The following CAMK2D variants were observed in gnomAD, a reference collection of about 807,000 sequenced individuals.
CAMK2D encodes the protein calcium/calmodulin dependent protein kinase II delta, also known as calcium/calmodulin-dependent protein kinase type II subunit delta.
A neutral mutation model predicts 84.0 loss-of-function variants in CAMK2D; 37 were observed. The ratio of observed to expected loss-of-function variants is 0.44; its 90% CI spans 0.34 to 0.58. CAMK2D has a LOEUF of 0.58. Among genes scored for constraint, CAMK2D ranks in the 20% least tolerant of loss-of-function variants. The pLI is 0.02. For synonymous variants in CAMK2D, 202 were observed against 212.5 expected, an observed-to-expected ratio of 0.95 and a Z score of 0.43; for missense variants, 448 against 652.5, an observed-to-expected ratio of 0.69 and a Z score of 3.41.
At chr4:113,722,290 T>C (rs998680828) in intron 2 of CAMK2D, among the ~76,000 whole-genome samples, 2 of 152,188 alleles carry the variant, frequency 1.3e-5, no homozygotes, top group Admixed American at 1.3e-4. Context: ...GTTTGGAAAT[T>C]AAATTGCTTA....
Position 113,580,188 on chromosome 4 carries a change from A to G in CAMK2D, c.276-28092T>C, listed in dbSNP as rs140192145. Among the ~76,000 whole-genome samples the G allele has an allele frequency of 1.5e-3, 227 of 152,358 alleles. 1 individual carries two copies. Among genetic ancestry groups the G allele is most frequent in the African/African-American group, 5.2e-3 (217 of 41,592 alleles). The stretch of plus-strand genomic sequence containing the variant: ...CAAACTCTGACATACTTAACCAATT[A>G]AAAAGGCAAGAGAAAATGACATGTT... On this transcript the variant is annotated intron_variant, in intron 4 of 20. Transcript: ENST00000511664.
intron 2 of CAMK2D, among the ~76,000 whole-genome samples, chr4:113,677,922 A>G (rs2099325544): frequency 6.6e-6 from 1 of 152,140 alleles, no homozygotes; most frequent in African/African-American, 2.4e-5. Flanking sequence ...TAGCATCTTG[A>G]TAAAGCTTCA....
chr4:113,497,836 C>A (rs554755497), intron 16 of CAMK2D, among the ~76,000 whole-genome samples: 1 of 152,344 alleles, frequency 6.6e-6, no homozygotes, highest in Non-Finnish European at 1.5e-5. Flanking sequence ...ATAGCTGGGA[C>A]AGCCAGCAGC....
intron 2 of CAMK2D, among the ~76,000 whole-genome samples, chr4:113,712,224 G>T (rs2099495511): frequency 6.6e-6 from 1 of 152,104 alleles, no homozygotes; most frequent in African/African-American, 2.4e-5. Context: ...AAGCAAACTT[G>T]AGAAAAGCCC....
At chr4:113,551,105 T>A (rs1476937451) in intron 5 of CAMK2D, among the ~76,000 whole-genome samples, 1 of 152,094 alleles carries the variant, frequency 6.6e-6, no homozygotes, top group African/African-American at 2.4e-5. Context: ...TCATTTACAT[T>A]GCTAATAATG....
At chr4:113,503,439 T>C (rs2098084228) in intron 14 of CAMK2D, 1 of 344,806 alleles carries the variant, frequency 2.9e-6, no homozygotes, top group African/African-American at 2.1e-5. Context: ...GTGTCATTAA[T>C]TAATACGTAA....
chr4:113,581,529 A>AAAAAAAG lies in CAMK2D; in HGVS notation c.275+27622_275+27623insCTTTTTT, dbSNP rs373642282. Reference sequence around the variant, plus strand: ...ACTTTCTCATAAAAAAAAAAAAAAAAAAAAGAAAAGAAAAGAAAAGAAAAA... The same window carrying AAAAAAAG: ...ACTTTCTCATAAAAAAAAAAAAAAAAAAAAAAGAAAAGAAAAGAAAAGAAAAGAAAAA... On this transcript the variant is annotated intron_variant, in intron 4 of 20. Coordinates refer to ENST00000511664, the MANE Select transcript of CAMK2D (RefSeq NM_001321571.2). Among the ~76,000 whole-genome samples, 426 of 121,810 alleles carry AAAAAAAG rather than the reference A, an allele frequency of 3.5e-3. 4 individuals carry two copies. Among genetic ancestry groups the AAAAAAAG allele is most frequent in the African/African-American group, 0.013 (401 of 30,758 alleles). 79.9% of individuals were successfully genotyped at this position (121,810 alleles called of 152,430 possible). A position where few individuals can be genotyped will look rare whatever the true frequency, so the allele number is the denominator to read the frequency against.
chr4:113,712,782 A>G (rs1461143597), intron 2 of CAMK2D, among the ~76,000 whole-genome samples: 1 of 152,082 alleles, frequency 6.6e-6, no homozygotes, highest in East Asian at 1.9e-4. Flanking sequence ...CAAAAAGAAA[A>G]AAAAGGGAAA....
At chr4:113,656,914 C>T (rs779403021) in intron 3 of CAMK2D, among the ~76,000 whole-genome samples, 5 of 152,166 alleles carry the variant, frequency 3.3e-5, no homozygotes, top group African/African-American at 4.8e-5. Flanking sequence ...CCTTCCTAAG[C>T]CAGCCTAAAT....
At chr4:113,705,105 G>A (rs570472214) in intron 2 of CAMK2D, among the ~76,000 whole-genome samples, 58 of 150,924 alleles carry the variant, frequency 3.8e-4, no homozygotes, top group African/African-American at 1.3e-3. Context: ...ACTTTGGGAG[G>A]CCAGGATCGA....
Position 113,609,167 on chromosome 4 carries a change from T to C in CAMK2D, c.260A>G (p.Tyr87Cys), listed in dbSNP as rs2098989313. 1 of 1,579,644 alleles carries C rather than the reference T, an allele frequency of 6.3e-7. No individual in the cohort carries two copies. Among genetic ancestry groups the C allele is most frequent in the Non-Finnish European group, 8.7e-7 (1 of 1,148,820 alleles). Residue 87 changes from tyrosine to cysteine, a missense_variant, in exon 4 of 21, where the codon TAC becomes TGC. By Grantham distance (194) the Tyr-to-Cys change is radical. Coordinates refer to ENST00000511664, the MANE Select transcript of CAMK2D (RefSeq NM_001321571.2). ...ATATACTTACAAATCAAACACCAAG[T>C]AGTGAAAGCCCTCTTCTGATATGCT... Reference protein sequence around the residue: ...HDSISEEGFHYLVFDLVTGGE... With the variant: ...HDSISEEGFHCLVFDLVTGGE...
chr4:113,469,027 T>C (rs1434198830), intron 16 of CAMK2D, among the ~76,000 whole-genome samples: 1 of 152,206 alleles, frequency 6.6e-6, no homozygotes, highest in Admixed American at 6.5e-5. Flanking sequence ...AGGTTCTGAG[T>C]GGAATTACTT....
intron 6 of CAMK2D, among the ~76,000 whole-genome samples, chr4:113,539,528 C>T (rs981007046): frequency 1.3e-5 from 2 of 152,228 alleles, no homozygotes; most frequent in South Asian, 2.1e-4. Flanking sequence ...TGCATTGTGC[C>T]TCAAGCACCA....
rs149381827 is a variant in CAMK2D at position 113,463,186 on chromosome 4, G to A, written c.1211+2343C>T. Among the ~76,000 whole-genome samples, 62 of 152,100 alleles carry A rather than the reference G, an allele frequency of 4.1e-4. No homozygotes were observed. The East Asian group carries it at 5.2e-3, about 13-fold the overall frequency. ...GTTTGTCTTACATTTAGCTAATCTC[G>A]TCCATATTTTATATTTTGTGTTTAT... On this transcript the variant is annotated intron_variant, in intron 17 of 20. Coordinates refer to ENST00000511664, the MANE Select transcript of CAMK2D (RefSeq NM_001321571.2).
At chr4:113,591,150 G>C (rs17630604) in intron 4 of CAMK2D, among the ~76,000 whole-genome samples, 6,059 of 151,014 alleles carry the variant, frequency 0.04, 354 homozygotes, top group East Asian at 0.19. Flanking sequence ...TCCTATTTTA[G>C]AAGTTTTACT....
intron 3 of CAMK2D, among the ~76,000 whole-genome samples, chr4:113,617,626 G>A (rs1038691174): frequency 1.3e-5 from 2 of 149,418 alleles, no homozygotes; most frequent in African/African-American, 4.9e-5. Flanking sequence ...ATCCCTTGCT[G>A]ATGAAGAGTT....
intron 2 of CAMK2D, among the ~76,000 whole-genome samples, chr4:113,705,082 C>T (rs537525064): frequency 5.9e-5 from 9 of 151,500 alleles, no homozygotes; most frequent in East Asian, 2.0e-4. Context: ...TGGCTCACGC[C>T]TGTAATCCCA....
chr4:113,627,597 A>T (rs910105856), intron 3 of CAMK2D, among the ~76,000 whole-genome samples: 7 of 152,300 alleles, frequency 4.6e-5, no homozygotes, highest in Admixed American at 1.3e-4. Context: ...TAACACACAG[A>T]TATTTTCCAT....
chr4:113,510,582 A>ATAACTAAC (rs146716784), intron 12 of CAMK2D, among the ~76,000 whole-genome samples: 2 of 152,136 alleles, frequency 1.3e-5, no homozygotes, highest in Non-Finnish European at 2.9e-5. Flanking sequence ...AAGAGATAAT[A>ATAACTAAC]TAACTGTCAA....
Sources: allele counts gnomAD v4.1 joint callset (sites outside exome capture counted in the v4.1 genomes callset), GRCh38; gene constraint gnomAD v4.1.1; transcripts MANE v1.5; gene names NCBI Gene and HGNC (gene_info 2026-07-23, HGNC 2026-07-21).